Variants in KCNB2 observed in about 807,000 individuals in gnomAD.
The protein encoded by KCNB2 is delayed rectifier potassium channel protein.
Under a neutral mutation model 61.5 loss-of-function variants are expected in KCNB2, and 15 were observed. The ratio of observed to expected loss-of-function variants is 0.24; its 90% CI spans 0.16 to 0.38. KCNB2 has a LOEUF of 0.38. KCNB2 is among the 10% of genes least tolerant of loss of function. KCNB2 has a pLI of 1.00. For synonymous variants in KCNB2, 457 were observed against 446.0 expected (o/e 1.02, Z -0.31); for missense variants, 828 against 1,125.2 (o/e 0.74, Z 3.78).
intron 2 of KCNB2, among the ~76,000 whole-genome samples, chr8:72,920,488 T>TGTGTGTATATATATATATATATATATA (rs57048446): frequency 1.5e-5 from 2 of 137,202 alleles, no homozygotes; most frequent in Non-Finnish European, 1.6e-5. Context: ...TATATATATA[T>TGTGTGTATATATATATATATATATATA]TAGCTGGCCA....
rs368425581 is a variant in KCNB2 at position 72,885,250 on chromosome 8, T to C, written c.580-50685T>C. Among the ~76,000 whole-genome samples, 5 of 152,268 alleles carry C rather than the reference T, an allele frequency of 3.3e-5. 1 individual carries two copies. In the East Asian group the frequency reaches 5.8e-4, roughly 18 times the overall value. ...TAATATTTTACTTGGGAATATCTCA[T>C]TATATTCATTAGTGAGAATAGTCTG... On this transcript the variant is annotated intron_variant, in intron 2 of 2. Coordinates refer to ENST00000523207, the MANE Select transcript of KCNB2 (RefSeq NM_004770.3).
At chr8:72,567,218 G>A (rs771934623) in intron 1 of KCNB2, among the ~76,000 whole-genome samples, 29 of 152,118 alleles carry the variant, frequency 1.9e-4, no homozygotes, top group Non-Finnish European at 3.4e-4. Context: ...AGGCTGAGGT[G>A]GGAGGATCAT....
chr8:72,548,084 T>C (rs1415004639), intron 1 of KCNB2, among the ~76,000 whole-genome samples: 2 of 152,176 alleles, frequency 1.3e-5, no homozygotes, highest in Non-Finnish European at 2.9e-5. Flanking sequence ...TTGTTAGCTT[T>C]TTTCCCCAAT....
intron 2 of KCNB2, among the ~76,000 whole-genome samples, chr8:72,716,954 C>A (rs1807454394): frequency 6.6e-6 from 1 of 152,036 alleles, no homozygotes; most frequent in Admixed American, 6.6e-5. Flanking sequence ...TGATAAGCAA[C>A]TTCAGCAAAG....
chr8:72,794,564 C>CAAAAAA (rs397892520), intron 2 of KCNB2, among the ~76,000 whole-genome samples: 1 of 56,930 alleles, frequency 1.8e-5, no homozygotes, highest in Non-Finnish European at 3.3e-5. Flanking sequence ...GACTCCATCT[C>CAAAAAA]AAAAAAAAAA....
At chr8:72,906,195 C>T (rs1806173627) in intron 2 of KCNB2, among the ~76,000 whole-genome samples, 1 of 152,174 alleles carries the variant, frequency 6.6e-6, no homozygotes, top group Admixed American at 6.5e-5. Flanking sequence ...AAGTGAGACC[C>T]AGGCCTTGTG....
intron 2 of KCNB2, among the ~76,000 whole-genome samples, chr8:72,715,888 A>G (rs1807429332): frequency 6.6e-6 from 1 of 152,230 alleles, no homozygotes; most frequent in African/African-American, 2.4e-5. Context: ...TTTTTTGAAA[A>G]GATCATCAAA....
intron 2 of KCNB2, among the ~76,000 whole-genome samples, chr8:72,883,104 G>A (rs1383505654): frequency 6.6e-6 from 1 of 152,192 alleles, no homozygotes; most frequent in African/African-American, 2.4e-5. Flanking sequence ...GCGAAGCCAG[G>A]TTCCCAGTCT....
chr8:72,741,397 A>G (rs568201263), intron 2 of KCNB2, among the ~76,000 whole-genome samples: 1 of 152,226 alleles, frequency 6.6e-6, no homozygotes, highest in Non-Finnish European at 1.5e-5. Context: ...TGACTCTCTT[A>G]TCTGTGCATA....
chr8:72,606,520 T>C (rs1018711832), intron 2 of KCNB2, among the ~76,000 whole-genome samples: 1 of 152,214 alleles, frequency 6.6e-6, no homozygotes, highest in African/African-American at 2.4e-5. Flanking sequence ...TAATTAGTAA[T>C]TGTTATTTCA....
intron 2 of KCNB2, among the ~76,000 whole-genome samples, chr8:72,626,343 A>C (rs912302141): frequency 7.2e-5 from 11 of 152,178 alleles, no homozygotes; most frequent in African/African-American, 2.7e-4. Flanking sequence ...GGAAACCACA[A>C]ATCTAAGGCC....
At chr8:72,927,227 A>G (rs190489605) in intron 2 of KCNB2, among the ~76,000 whole-genome samples, 130 of 151,846 alleles carry the variant, frequency 8.6e-4, no homozygotes, top group African/African-American at 3.0e-3. Flanking sequence ...GAATTTATCT[A>G]TCATCCAACT....
At chr8:72,540,500 A>ATTG (rs528943851) in intron 1 of KCNB2, among the ~76,000 whole-genome samples, 3 of 151,922 alleles carry the variant, frequency 2.0e-5, no homozygotes, top group South Asian at 2.1e-4. Flanking sequence ...GAGTTTTGTT[A>ATTG]TTGTTGTTGT....
intron 2 of KCNB2, among the ~76,000 whole-genome samples, chr8:72,689,003 AC>A: frequency 6.6e-6 from 1 of 152,348 alleles, no homozygotes; most frequent in Middle Eastern, 3.4e-3. Context: ...TGCTGGGATT[AC>A]AGGCATGAGC....
chr8:72,900,302 A>C (rs1206517411), intron 2 of KCNB2, among the ~76,000 whole-genome samples: 1 of 152,194 alleles, frequency 6.6e-6, no homozygotes, highest in Non-Finnish European at 1.5e-5. Context: ...TATGCAGAAG[A>C]ATAAAACTGG....
In KCNB2 at chr8:72,567,986, G is replaced by A. The variant is rs754028221; in HGVS notation, c.252G>A (p.Glu84=). ...LEVCDDYNLN[E]NEYFFDRHPG... ...TGTGCGACGACTATAATCTGAACGAGAACGAGTATTTCTTTGATCGGCATC... is the reference window on the plus strand; with the variant it reads ...TGTGCGACGACTATAATCTGAACGAAAACGAGTATTTCTTTGATCGGCATC... Residue 84 remains glutamate, a synonymous_variant, in exon 2 of 3, where the codon GAG becomes GAA. Coordinates refer to ENST00000523207, the MANE Select transcript of KCNB2 (RefSeq NM_004770.3). 2.8e-5 allele frequency: 45 copies of A among 1,614,030 alleles called. No individual in the cohort carries two copies. Among genetic ancestry groups the A allele is most frequent in the Non-Finnish European group, 3.6e-5 (43 of 1,180,028 alleles).
At chr8:72,821,908 C>G (rs1384140141) in intron 2 of KCNB2, among the ~76,000 whole-genome samples, 1 of 152,142 alleles carries the variant, frequency 6.6e-6, no homozygotes, top group Non-Finnish European at 1.5e-5. Context: ...CCTTAGCCTA[C>G]CACTCCCCAC....
At chr8:72,909,628 C>G (rs6982445) in intron 2 of KCNB2, among the ~76,000 whole-genome samples, 5,358 of 152,078 alleles carry the variant, frequency 0.035, 280 homozygotes, top group African/African-American at 0.12. Flanking sequence ...GGAGGAAAGA[C>G]AGTTCCAAGG....
chr8:72,643,763 T>C (rs554502027), intron 2 of KCNB2, among the ~76,000 whole-genome samples: 1 of 152,294 alleles, frequency 6.6e-6, no homozygotes, highest in East Asian at 1.9e-4. Context: ...ACTGGACTTA[T>C]ACATGAACAA....
Sources: allele counts gnomAD v4.1 joint callset (sites outside exome capture counted in the v4.1 genomes callset), GRCh38; gene constraint gnomAD v4.1.1; transcripts MANE v1.5; gene names NCBI Gene and HGNC (gene_info 2026-07-23, HGNC 2026-07-21).